The following PPP1R13B variants were observed in gnomAD, a reference collection of about 807,000 sequenced individuals.
PPP1R13B encodes the protein protein phosphatase 1 regulatory subunit 13B.
Under a neutral mutation model 119.8 loss-of-function variants are expected in PPP1R13B, and 44 were observed. The observed-to-expected ratio is 0.37, with a 90% CI of 0.29 to 0.47. The LOEUF (loss-of-function observed/expected upper bound fraction) is 0.47. Among genes scored for constraint, PPP1R13B ranks in the 20% least tolerant of loss-of-function variants. The probability of loss-of-function intolerance (pLI) is 0.99; values close to 1 mark genes in which losing one functional copy is unlikely to be tolerated. For missense variants in PPP1R13B, 1,227 were observed against 1,413.5 expected, an observed-to-expected ratio of 0.87 and a Z score of 2.12; for synonymous variants, 542 against 561.5, an observed-to-expected ratio of 0.97 and a Z score of 0.49.
At chr14:103,835,875 C>A (rs1002039381) in intron 1 of PPP1R13B, among the ~76,000 whole-genome samples, 1 of 150,942 alleles carries the variant, frequency 6.6e-6, no homozygotes, top group Non-Finnish European at 1.5e-5. Context: ...TCCCAAAGTG[C>A]GGGATTACAG....
chr14:103,844,031 C>G (rs952720756), intron 1 of PPP1R13B, among the ~76,000 whole-genome samples: 4 of 151,774 alleles, frequency 2.6e-5, no homozygotes, highest in Non-Finnish European at 4.4e-5. Context: ...CTTTGGGAGG[C>G]TGGGGCGGGC....
chr14:103,801,884 C>G (rs962594494), intron 1 of PPP1R13B, among the ~76,000 whole-genome samples: 1 of 152,194 alleles, frequency 6.6e-6, no homozygotes, highest in East Asian at 1.9e-4. Flanking sequence ...CTTCCCTGAG[C>G]ACATTTCTAT....
Position 103,733,900 on chromosome 14 carries a change from G to A in PPP1R13B, c.*1254C>T, listed in dbSNP as rs1303099294. The A allele has an allele frequency of 6.5e-6, 1 of 153,612 alleles. No individual in the cohort carries two copies. Among genetic ancestry groups the A allele is most frequent in the Admixed American group, 6.4e-5 (1 of 15,578 alleles). The allele number at this position is 153,612 out of a possible 1,614,324, so 9.5% of individuals were successfully genotyped here. ...TACAGTCAGTGCTCCAAGGTGATGG[G>A]CTACAGTGCTGCATCAGTGAGTCTG... On this transcript the variant is annotated 3_prime_UTR_variant, in exon 17 of 17. Coordinates refer to ENST00000202556, the MANE Select transcript of PPP1R13B (RefSeq NM_015316.3).
At chr14:103,739,086 C>T (rs2084183195) in intron 12 of PPP1R13B, 63 bp from the exon 13 acceptor site, 1 of 1,558,778 alleles carries the variant, frequency 6.4e-7, no homozygotes, top group South Asian at 1.2e-5. Flanking sequence ...GAACCCACGC[C>T]TGCTGGGAAG....
chr14:103,823,385 T>G (rs2086458784), intron 1 of PPP1R13B, among the ~76,000 whole-genome samples: 2 of 150,812 alleles, frequency 1.3e-5, no homozygotes, highest in Admixed American at 1.3e-4. Context: ...GGCAGGCCAC[T>G]GCTCTCCCTC....
At chr14:103,756,403 T>C (rs1024736604) in intron 5 of PPP1R13B, among the ~76,000 whole-genome samples, 1 of 152,172 alleles carries the variant, frequency 6.6e-6, no homozygotes, top group Admixed American at 6.5e-5. Flanking sequence ...TTCAGAATAT[T>C]TTAAGATCAT....
intron 1 of PPP1R13B, chr14:103,818,453 AT>A: frequency 1.0e-6 from 1 of 961,902 alleles, no homozygotes; most frequent in Non-Finnish European, 1.2e-6. Flanking sequence ...GAATGACTGA[AT>A]TTCTCAATGT....
At chr14:103,741,125 C>T (rs2084247180) in intron 11 of PPP1R13B, among the ~76,000 whole-genome samples, 1 of 152,214 alleles carries the variant, frequency 6.6e-6, no homozygotes, top group African/African-American at 2.4e-5. Flanking sequence ...TGACTAGGCA[C>T]GTCCAGGAAT....
At chr14:103,744,842 C>T (rs771233503) in intron 9 of PPP1R13B, among the ~76,000 whole-genome samples, 1 of 152,198 alleles carries the variant, frequency 6.6e-6, no homozygotes, top group African/African-American at 2.4e-5. Flanking sequence ...ACAGGTTCCC[C>T]GTGTCCATGA....
rs539373399 is a variant in PPP1R13B at position 103,734,698 on chromosome 14, G to C, written c.*456C>G. 7.4e-5 allele frequency: 34 copies of C among 457,862 alleles called. No homozygotes were observed. Among genetic ancestry groups the C allele is most frequent in the African/African-American group, 5.6e-4 (28 of 50,278 alleles). The allele number at this position is 457,862 out of a possible 1,614,324, so 28.4% of individuals were successfully genotyped here. A position where few individuals can be genotyped will look rare whatever the true frequency, so the allele number is the denominator to read the frequency against. ...TGAAGGGAAGAAGGATCATGTGTGG[G>C]AAGTGTGAGAAAGGATGAGTGTCCG... On this transcript the variant is annotated 3_prime_UTR_variant, in exon 17 of 17. Transcript: ENST00000202556.
chr14:103,791,330 G>A (rs1017739701), intron 2 of PPP1R13B, among the ~76,000 whole-genome samples: 1 of 152,026 alleles, frequency 6.6e-6, no homozygotes, highest in African/African-American at 2.4e-5. Flanking sequence ...AAACAGAAAC[G>A]GTCTCATCTT....
chr14:103,801,142 G>A (rs976597125), intron 1 of PPP1R13B, among the ~76,000 whole-genome samples: 3 of 152,040 alleles, frequency 2.0e-5, no homozygotes, highest in African/African-American at 4.8e-5. Flanking sequence ...GAGCCAACAC[G>A]TCTGGCCTAC....
chr14:103,806,893 G>A (rs1359439597), intron 1 of PPP1R13B, among the ~76,000 whole-genome samples: 1 of 152,186 alleles, frequency 6.6e-6, no homozygotes, highest in African/African-American at 2.4e-5. Context: ...CCACCTCTCA[G>A]AAAGGATGTC....
At chr14:103,748,070 C>T (rs750520698) in intron 8 of PPP1R13B, among the ~76,000 whole-genome samples, 189 of 15,810 alleles carry the variant, frequency 0.012, no homozygotes, top group African/African-American at 0.016. Flanking sequence ...ATCACATACA[C>T]ACACACACAC....
chr14:103,826,588 A>C (rs2086546964), intron 1 of PPP1R13B, among the ~76,000 whole-genome samples: 1 of 152,308 alleles, frequency 6.6e-6, no homozygotes, highest in South Asian at 2.1e-4. Flanking sequence ...AAATACATTG[A>C]AAATTTCAAA....
chr14:103,783,435 A>G (rs953383045), intron 3 of PPP1R13B, among the ~76,000 whole-genome samples: 1 of 151,428 alleles, frequency 6.6e-6, no homozygotes, highest in Non-Finnish European at 1.5e-5. Flanking sequence ...AATTTTTAGC[A>G]GAGATGGGGT....
chr14:103,841,404 G>A (rs1160767929), intron 1 of PPP1R13B, among the ~76,000 whole-genome samples: 3 of 150,694 alleles, frequency 2.0e-5, no homozygotes, highest in East Asian at 2.0e-4. Flanking sequence ...CCTGGCCAAC[G>A]CGGTGAAACT....
chr14:103,753,335 ATTTC>A, intron 6 of PPP1R13B, 139 bp from the exon 7 acceptor site: 2 of 814,906 alleles, frequency 2.5e-6, no homozygotes, highest in Middle Eastern at 3.8e-4. Context: ...TCCACAACAC[ATTTC>A]AAAAAGCCTT....
At chr14:103,836,622 T>C (rs1271475864) in intron 1 of PPP1R13B, among the ~76,000 whole-genome samples, 1 of 151,448 alleles carries the variant, frequency 6.6e-6, no homozygotes, top group Admixed American at 6.6e-5. Flanking sequence ...TAAAAAAAAT[T>C]AGCTGGGCGT....
Sources: allele counts gnomAD v4.1 joint callset (sites outside exome capture counted in the v4.1 genomes callset), GRCh38; gene constraint gnomAD v4.1.1; transcripts MANE v1.5; gene names NCBI Gene and HGNC (gene_info 2026-07-23, HGNC 2026-07-21).